The following ACP1 variants were observed in gnomAD, a reference collection of about 807,000 sequenced individuals.
ACP1 encodes low molecular weight phosphotyrosine protein phosphatase.
ACP1 carries 23 observed loss-of-function variants against 23.4 expected under a neutral mutation model. The ratio of observed to expected loss-of-function variants is 0.98; its 90% confidence interval spans 0.71 to 1.39. The LOEUF is 1.39. Among genes scored for constraint, ACP1 ranks in the 40% most tolerant of loss-of-function variants. The pLI, the probability that ACP1 is intolerant of heterozygous loss-of-function variation, is 0.00. For missense variants in ACP1, 180 were observed against 197.7 expected (o/e 0.91, Z 0.54); for synonymous variants, 72 against 67.2 (o/e 1.07, Z -0.35).
chr2:271,848 C>A lies in ACP1; in HGVS notation c.44-18C>A. 1 of 1,608,586 alleles carries A rather than the reference C, an allele frequency of 6.2e-7. No individual in the cohort carries two copies. Among genetic ancestry groups the A allele is most frequent in the Non-Finnish European group, 8.5e-7 (1 of 1,175,146 alleles). Reference sequence around the variant, plus strand: ...ATCCAACCTAACCCTGTTTCCCCACCCCTCCCTTTTTTTAAAGGTAACATT... The same window carrying A: ...ATCCAACCTAACCCTGTTTCCCCACACCTCCCTTTTTTTAAAGGTAACATT... On this transcript the variant is annotated intron_variant, in intron 1 of 5. Coordinates refer to ENST00000272065, the MANE Select transcript of ACP1 (RefSeq NM_004300.4).
At chr2:266,114 A>G (rs1669873025) in intron 1 of ACP1, among the ~76,000 whole-genome samples, 1 of 152,218 alleles carries the variant, frequency 6.6e-6, no homozygotes, top group African/African-American at 2.4e-5. Context: ...ATCTTTTATT[A>G]CACAAATTTT....
chr2:265,114 G>A, intron 1 of ACP1, 107 bp downstream of exon 1: 2 of 1,416,468 alleles, frequency 1.4e-6, no homozygotes, highest in Non-Finnish European at 2.0e-6. Flanking sequence ...GGGGGAGGAG[G>A]CCAGGGACTG....
At chr2:271,483 T>A (rs1274498582) in intron 1 of ACP1, among the ~76,000 whole-genome samples, 1 of 152,224 alleles carries the variant, frequency 6.6e-6, no homozygotes. Context: ...GACAGACCAC[T>A]GTATTTTATT....
intron 1 of ACP1, among the ~76,000 whole-genome samples, chr2:267,257 T>C (rs1669916028): frequency 6.6e-6 from 1 of 152,226 alleles, no homozygotes; most frequent in Non-Finnish European, 1.5e-5. Flanking sequence ...ATCTACTATA[T>C]GGCATGCATT....
Position 271,855 on chromosome 2 carries a change from T to A in ACP1, c.44-11T>A. ...CTAACCCTGTTTCCCCACCCCTCCC[T>A]TTTTTTAAAGGTAACATTTGTCGAT... On this transcript the variant is annotated splice_polypyrimidine_tract_variant and intron_variant, in intron 1 of 5. Coordinates refer to ENST00000272065, the MANE Select transcript of ACP1 (RefSeq NM_004300.4). The A allele has an allele frequency of 2.7e-5, 42 of 1,574,762 alleles. No individual in the cohort carries two copies. The highest frequency in any genetic ancestry group is 3.5e-5 in the Non-Finnish European group (40 of 1,144,556).
At position 276,960 on chromosome 2, in the gene ACP1, T is replaced by A. The variant is rs776903080; in HGVS notation, c.294-20T>A. ...TGAAACCATAGATCAGAAAACTAAGTTCATATTTCAATTTTACAGAGATTT... is the reference window on the plus strand; with the variant it reads ...TGAAACCATAGATCAGAAAACTAAGATCATATTTCAATTTTACAGAGATTT... On this transcript the variant is annotated intron_variant, in intron 4 of 5. Coordinates refer to ENST00000272065, the MANE Select transcript of ACP1 (RefSeq NM_004300.4). 1.1e-5 allele frequency: 17 copies of A among 1,484,238 alleles called. No individual in the cohort carries two copies. Among genetic ancestry groups the A allele is most frequent in the Non-Finnish European group, 1.6e-5 (17 of 1,072,614 alleles). The allele number at this position is 1,484,238 out of a possible 1,614,324, so 91.9% of individuals were successfully genotyped here.
At chr2:271,161 T>C (rs992856622) in intron 1 of ACP1, among the ~76,000 whole-genome samples, 2 of 152,192 alleles carry the variant, frequency 1.3e-5, no homozygotes, top group African/African-American at 4.8e-5. Context: ...AAATGCATGT[T>C]TGTGTGTTTG....
intron 1 of ACP1, chr2:269,251 A>G (rs1300951990): frequency 4.3e-6 from 2 of 465,718 alleles, no homozygotes; most frequent in Non-Finnish European, 8.9e-6. Context: ...AAATTAGCAT[A>G]TAGAGGGTAT....
chr2:266,748 A>T (rs1430880191), intron 1 of ACP1, among the ~76,000 whole-genome samples: 1 of 152,218 alleles, frequency 6.6e-6, no homozygotes. Flanking sequence ...ATTTTCATGG[A>T]TAGAAGATTT....
At chr2:265,118 G>T in intron 1 of ACP1, 111 bp downstream of exon 1, 1 of 1,340,468 alleles carries the variant, frequency 7.5e-7, no homozygotes, top group East Asian at 2.4e-5. Flanking sequence ...GAGGAGGCCA[G>T]GGACTGGGAG....
intron 1 of ACP1, chr2:269,453 G>A: frequency 1.2e-5 from 5 of 418,948 alleles, no homozygotes; most frequent in South Asian, 9.0e-5. Flanking sequence ...AACACTAGAA[G>A]ATCCTCATTG....
At chr2:274,238 C>T (rs532053205) in intron 3 of ACP1, among the ~76,000 whole-genome samples, 1 of 152,208 alleles carries the variant, frequency 6.6e-6, no homozygotes, top group Non-Finnish European at 1.5e-5. Flanking sequence ...GGAGTGTTGA[C>T]GAAATACAGT....
At chr2:276,818 C>T (rs1390703592) in intron 4 of ACP1, among the ~76,000 whole-genome samples, 162 bp from the exon 5 acceptor site, 1 of 152,208 alleles carries the variant, frequency 6.6e-6, no homozygotes, top group African/African-American at 2.4e-5. Context: ...TGGCATACAG[C>T]TGCAGAAGGG....
At chr2:272,384 A>G (rs1196592740) in intron 3 of ACP1, 10 of 1,520,698 alleles carry the variant, frequency 6.6e-6, no homozygotes, top group Non-Finnish European at 6.2e-6. Context: ...CCAGACTTGT[A>G]TATTAATGAA....
At chr2:268,525 G>A (rs763812648) in intron 1 of ACP1, among the ~76,000 whole-genome samples, 2 of 152,152 alleles carry the variant, frequency 1.3e-5, no homozygotes, top group African/African-American at 4.8e-5. Flanking sequence ...GGTGGAGATA[G>A]CACATGCTGG....
At chr2:274,293 A>AT (rs1439362221) in intron 3 of ACP1, among the ~76,000 whole-genome samples, 3 of 152,206 alleles carry the variant, frequency 2.0e-5, no homozygotes, top group Non-Finnish European at 4.4e-5. Context: ...AAAGTTTCTC[A>AT]TTTTTTAGAA....
chr2:268,144 T>A (rs1669938391), intron 1 of ACP1, among the ~76,000 whole-genome samples: 1 of 152,172 alleles, frequency 6.6e-6, no homozygotes, highest in Admixed American at 6.5e-5. Context: ...TGGGAAGTGA[T>A]CAAATTTAAG....
At chr2:274,512 T>C (rs2103075398) in intron 3 of ACP1, 1 of 152,442 alleles carries the variant, frequency 6.6e-6, no homozygotes, top group Middle Eastern at 3.4e-3. Context: ...TGTGTGAGGT[T>C]TAAATTATGG....
chr2:274,867 G>A, intron 3 of ACP1: 1 of 248,030 alleles, frequency 4.0e-6, no homozygotes, highest in Non-Finnish European at 7.7e-6. Flanking sequence ...CTGCTACTAA[G>A]GAATTGAAGC....
Sources: allele counts gnomAD v4.1 joint callset (sites outside exome capture counted in the v4.1 genomes callset), GRCh38; gene constraint gnomAD v4.1.1; transcripts MANE v1.5; gene names NCBI Gene and HGNC (gene_info 2026-07-23, HGNC 2026-07-21).